The following CCNY variants were observed in gnomAD, a reference collection of about 807,000 sequenced individuals.
CCNY encodes cyclin Y.
In CCNY, 19 loss-of-function variants were observed where a neutral mutation model predicts 42.8. That is an observed-to-expected ratio of 0.44 (90% CI 0.31 to 0.65). The LOEUF (loss-of-function observed/expected upper bound fraction) is 0.65. Among genes scored for constraint, CCNY ranks in the 30% least tolerant of loss-of-function variants. The pLI is 0.07. For synonymous variants in CCNY, 165 were observed against 162.7 expected (o/e 1.01, Z -0.11); for missense variants, 370 against 437.3 (o/e 0.85, Z 1.37).
chr10:35,284,045 A>G (rs1835326345), intron 3 of CCNY, among the ~76,000 whole-genome samples: 1 of 152,106 alleles, frequency 6.6e-6, no homozygotes, highest in African/African-American at 2.4e-5. Context: ...GATCGGGTCA[A>G]TGCACTCCAG....
intron 1 of CCNY, among the ~76,000 whole-genome samples, chr10:35,390,407 A>G (rs1468197613): frequency 6.6e-6 from 1 of 152,210 alleles, no homozygotes; most frequent in Admixed American, 6.5e-5. Flanking sequence ...AGAGCTGCTT[A>G]TCTGTTGTGT....
At chr10:35,493,028 A>G (rs970098008) in intron 2 of CCNY, among the ~76,000 whole-genome samples, 1 of 152,048 alleles carries the variant, frequency 6.6e-6, no homozygotes, top group East Asian at 1.9e-4. Context: ...TTTCTTGGCC[A>G]GGCCTCGCCC....
At chr10:35,457,103 G>C (rs1284393971) in intron 1 of CCNY, among the ~76,000 whole-genome samples, 2 of 152,184 alleles carry the variant, frequency 1.3e-5, no homozygotes, top group Non-Finnish European at 2.9e-5. Flanking sequence ...TGGTTCCACT[G>C]TATTTGTCCT....
intron 7 of CCNY, among the ~76,000 whole-genome samples, chr10:35,551,872 A>T (rs1391246984): frequency 6.6e-6 from 1 of 152,248 alleles, no homozygotes; most frequent in Non-Finnish European, 1.5e-5. Context: ...CAAAACAGAA[A>T]ATAAGAAATG....
intron 1 of CCNY, among the ~76,000 whole-genome samples, chr10:35,404,480 A>G (rs558595723): frequency 2.6e-5 from 4 of 152,278 alleles, no homozygotes; most frequent in Admixed American, 6.5e-5. Flanking sequence ...GTGAGTTTAT[A>G]TAATGGTTTT....
chr10:35,485,725 A>G (rs1413087149), intron 2 of CCNY, among the ~76,000 whole-genome samples: 610 of 5,570 alleles, frequency 0.11, 1 homozygote, highest in Middle Eastern at 0.5. Context: ...ACTCCGTCTC[A>G]AAAAAAAAAA....
At chr10:35,341,078 C>G (rs1181375338) in intron 1 of CCNY, among the ~76,000 whole-genome samples, 4 of 152,292 alleles carry the variant, frequency 2.6e-5, no homozygotes, top group East Asian at 1.9e-4. Flanking sequence ...GAACTTATTC[C>G]TTCACTCAAA....
chr10:35,281,607 A>G (rs1261385257), intron 3 of CCNY, among the ~76,000 whole-genome samples: 6 of 152,140 alleles, frequency 3.9e-5, no homozygotes, highest in Non-Finnish European at 7.3e-5. Context: ...CTGGCCTTGT[A>G]CAGGAATTTT....
At chr10:35,532,176 C>T (rs1291773684) in intron 7 of CCNY, among the ~76,000 whole-genome samples, 1 of 152,216 alleles carries the variant, frequency 6.6e-6, no homozygotes, top group Non-Finnish European at 1.5e-5. Context: ...CAGCTGCATG[C>T]TTGTGGGTAG....
At chr10:35,524,543 C>T (rs900868220) in intron 4 of CCNY, among the ~76,000 whole-genome samples, 3 of 152,180 alleles carry the variant, frequency 2.0e-5, no homozygotes, top group African/African-American at 4.8e-5. Flanking sequence ...CGGAAATGTT[C>T]GGGCCGAGTC....
At chr10:35,456,004 T>C (rs1212822028) in intron 1 of CCNY, among the ~76,000 whole-genome samples, 1 of 152,072 alleles carries the variant, frequency 6.6e-6, no homozygotes, top group African/African-American at 2.4e-5. Context: ...TTTATAGTGA[T>C]GATGACTTAA....
At chr10:35,442,242 TATG>T (rs1180657784) in intron 1 of CCNY, among the ~76,000 whole-genome samples, 2 of 152,252 alleles carry the variant, frequency 1.3e-5, no homozygotes, top group Admixed American at 6.5e-5. Context: ...TCCAAGGGCT[TATG>T]GTGGTGGTTG....
chr10:35,365,898 A>G (rs376998606), intron 1 of CCNY, among the ~76,000 whole-genome samples: 4 of 152,228 alleles, frequency 2.6e-5, no homozygotes, highest in East Asian at 1.9e-4. Context: ...TTATTAGTGT[A>G]TATTGCAAAA....
chr10:35,344,535 CA>C (rs1328322001), intron 1 of CCNY, among the ~76,000 whole-genome samples: 3 of 151,866 alleles, frequency 2.0e-5, no homozygotes, highest in Non-Finnish European at 2.9e-5. Context: ...ACTAGAAATA[CA>C]AAAAAAATTT....
intron 1 of CCNY, among the ~76,000 whole-genome samples, chr10:35,360,622 C>T (rs1836664128): frequency 6.6e-6 from 1 of 151,808 alleles, no homozygotes; most frequent in African/African-American, 2.4e-5. Flanking sequence ...TATTTCCCTC[C>T]TTGATTTTAG....
chr10:35,433,326 T>C (rs1227033372), intron 1 of CCNY, among the ~76,000 whole-genome samples: 1 of 152,230 alleles, frequency 6.6e-6, no homozygotes, highest in Non-Finnish European at 1.5e-5. Flanking sequence ...ATTTACTTTT[T>C]TCAAGTCCTA....
At chr10:35,358,344 T>C (rs1047570477) in intron 1 of CCNY, among the ~76,000 whole-genome samples, 1 of 152,012 alleles carries the variant, frequency 6.6e-6, no homozygotes, top group Non-Finnish European at 1.5e-5. Flanking sequence ...ATTTATTGAA[T>C]ACTGCCAGTG....
rs1386195839 is a variant in CCNY, at chr10:35,477,141, A to G, written c.155-6263A>G. 2.0e-5 allele frequency among the ~76,000 whole-genome samples: 3 copies of G among 152,118 alleles called. No individual in the cohort carries two copies. The East Asian group carries it at 5.8e-4, about 29-fold the overall frequency. The stretch of plus-strand genomic sequence containing the variant: ...AACAGGATCTGAAATTGTGGCAATA[A>G]TCAATAGCTTACCAACCAAAAAGAG... On this transcript the variant is annotated intron_variant, in intron 1 of 9. Transcript: ENST00000374704.
intron 4 of CCNY, among the ~76,000 whole-genome samples, chr10:35,521,478 CAGAAA>C (rs1426904072): frequency 1.3e-5 from 2 of 152,178 alleles, no homozygotes. Flanking sequence ...CCACTCTGGG[CAGAAA>C]CTAAAGGAGG....
Sources: gnomAD v4.1 joint callset for allele counts (sites outside exome capture counted in the v4.1 genomes callset) on GRCh38, gnomAD v4.1.1 for gene constraint, MANE v1.5 for transcripts, NCBI Gene and HGNC (gene_info 2026-07-23, HGNC 2026-07-21) for gene names.